Variants in CHEK1 observed in about 807,000 individuals in gnomAD.
CHEK1 encodes the protein checkpoint kinase 1.
Under a neutral mutation model 60.2 loss-of-function variants are expected in CHEK1, and 32 were observed. The observed-to-expected ratio is 0.53, with a 90% confidence interval of 0.40 to 0.71. The LOEUF (loss-of-function observed/expected upper bound fraction) is 0.71, where lower values mean the gene tolerates loss of function less well. Ranked by LOEUF, CHEK1 falls within the 30% of genes least tolerant of loss-of-function variation. The pLI is 0.00. For synonymous variants in CHEK1, 179 were observed against 187.2 expected, an observed-to-expected ratio of 0.96 and a Z score of 0.36; for missense variants, 399 against 564.6, an observed-to-expected ratio of 0.71 and a Z score of 2.97.
chr11:125,650,307 C>T (rs778637242), intron 11 of CHEK1, among the ~76,000 whole-genome samples: 3 of 151,928 alleles, frequency 2.0e-5, no homozygotes, highest in Non-Finnish European at 4.4e-5. Context: ...TTTATAAGGG[C>T]CATACTTTGT....
chr11:125,632,724 A>T (rs1262821815), intron 5 of CHEK1, among the ~76,000 whole-genome samples: 1 of 152,240 alleles, frequency 6.6e-6, no homozygotes, highest in East Asian at 1.9e-4. Context: ...GTGTCTTCAC[A>T]TATTTTCTTC....
rs759948920 is a variant in CHEK1, at chr11:125,644,121, G to A, written c.954G>A (p.Gln318=). 18 of 1,612,828 alleles carry A rather than the reference G, an allele frequency of 1.1e-5. No individual in the cohort carries two copies. Among genetic ancestry groups the A allele is most frequent in the Non-Finnish European group, 2.5e-6 (3 of 1,179,792 alleles). The stretch of plus-strand genomic sequence containing the variant: ...AAAATGTGAAGTACTCCAGTTCTCA[G>A]CCAGAACCCCGCACAGGTCTTTCCT... ...SEENVKYSSS[Q]PEPRTGLSLW... is the part of the protein sequence containing the mutation. Residue 318 remains glutamine (Q), a synonymous_variant, in exon 10 of 13, where the codon CAG becomes CAA. Transcript: ENST00000438015.
chr11:125,664,957 G>A (rs1415245387), intron 13 of CHEK1, among the ~76,000 whole-genome samples: 2 of 152,138 alleles, frequency 1.3e-5, no homozygotes, highest in East Asian at 3.8e-4. Flanking sequence ...TTGTGTGTGT[G>A]TATGGTGAAA....
chr11:125,652,087 G>A (rs1235130282), intron 11 of CHEK1, among the ~76,000 whole-genome samples: 2 of 152,216 alleles, frequency 1.3e-5, no homozygotes, highest in Non-Finnish European at 2.9e-5. Context: ...GTATGGTTGT[G>A]TGTTTTCATA....
At chr11:125,680,599 G>A, downstream of CHEK1, 1 of 802,336 alleles carries the variant, frequency 1.2e-6, no homozygotes, top group Non-Finnish European at 2.0e-6. Flanking sequence ...AGTTGGACTT[G>A]TTTAGCTGCT....
chr11:125,660,776 C>A (rs1041568689), downstream of CHEK1, among the ~76,000 whole-genome samples: 1 of 151,386 alleles, frequency 6.6e-6, no homozygotes, highest in Non-Finnish European at 1.5e-5. Flanking sequence ...AAAAAGTTTG[C>A]ATGGCATAAC....
downstream of CHEK1, chr11:125,677,817 G>A (rs1942586334): frequency 1.2e-6 from 2 of 1,614,150 alleles, no homozygotes; most frequent in Non-Finnish European, 1.7e-6. Flanking sequence ...GCTTGAAATT[G>A]GTGCACCTGA....
intron 13 of CHEK1, among the ~76,000 whole-genome samples, chr11:125,666,863 C>A (rs1169208961): frequency 6.6e-6 from 1 of 151,644 alleles, no homozygotes; most frequent in Non-Finnish European, 1.5e-5. Context: ...CCTTCACTTT[C>A]AGTTTATATG....
At chr11:125,668,833 A>G (rs2134094692) in intron 13 of CHEK1, among the ~76,000 whole-genome samples, 1 of 152,300 alleles carries the variant, frequency 6.6e-6, no homozygotes, top group African/African-American at 2.4e-5. Context: ...CTGAGATTAC[A>G]GGTATAAGCC....
chr11:125,636,323 T>G (rs571636250), intron 7 of CHEK1, among the ~76,000 whole-genome samples: 1 of 152,072 alleles, frequency 6.6e-6, no homozygotes, highest in African/African-American at 2.4e-5. Context: ...TGTGATAATA[T>G]TCTGCCATGT....
intron 13 of CHEK1, among the ~76,000 whole-genome samples, chr11:125,669,355 G>C (rs1229911415): frequency 1.3e-5 from 2 of 151,920 alleles, no homozygotes; most frequent in Admixed American, 1.3e-4. Context: ...ATCTCCTCTT[G>C]TTTTCTGCTC....
At chr11:125,636,086 T>C (rs1270619224) in intron 7 of CHEK1, 1 of 152,162 alleles carries the variant, frequency 6.6e-6, no homozygotes, top group African/African-American at 2.4e-5. Context: ...AAAAATACAG[T>C]ATTATAATCT....
chr11:125,629,092 G>C (rs1940751971), intron 3 of CHEK1, 140 bp from the exon 4 acceptor site: 7 of 724,454 alleles, frequency 9.7e-6, no homozygotes, highest in Middle Eastern at 3.0e-4. Flanking sequence ...ATATGTGTTA[G>C]TGGACTCCTG....
intron 13 of CHEK1, among the ~76,000 whole-genome samples, chr11:125,675,126 G>A (rs1942428704): frequency 6.6e-6 from 1 of 152,104 alleles, no homozygotes; most frequent in African/African-American, 2.4e-5. Context: ...AATTGCTTTG[G>A]TGCAACCTGA....
intron 8 of CHEK1, 111 bp from the exon 9 acceptor site, chr11:125,643,681 A>T: frequency 1.3e-6 from 1 of 753,920 alleles, no homozygotes; most frequent in Non-Finnish European, 2.1e-6. Context: ...ATTTTGTGTT[A>T]AATAAATAGA....
chr11:125,680,353 C>T (rs1004160494), downstream of CHEK1, among the ~76,000 whole-genome samples: 1 of 152,154 alleles, frequency 6.6e-6, no homozygotes, highest in Non-Finnish European at 1.5e-5. Context: ...TTACATCTTC[C>T]CATCTCCCAT....
At chr11:125,648,774 C>CAT (rs369529791) in intron 11 of CHEK1, among the ~76,000 whole-genome samples, 439 of 151,996 alleles carry the variant, frequency 2.9e-3, no homozygotes, top group African/African-American at 0.01. Flanking sequence ...AGTCTTTCAG[C>CAT]ATTAAGTATG....
At chr11:125,629,493 A>ATTTAGGT in intron 5 of CHEK1, 33 bp downstream of exon 5, 1 of 1,422,636 alleles carries the variant, frequency 7.0e-7, no homozygotes, top group Non-Finnish European at 9.7e-7. Context: ...ACCTAAAATA[A>ATTTAGGT]AATAAAATAA....
At chr11:125,666,528 G>T (rs1942103241) in intron 13 of CHEK1, among the ~76,000 whole-genome samples, 1 of 152,166 alleles carries the variant, frequency 6.6e-6, no homozygotes, top group Non-Finnish European at 1.5e-5. Context: ...TTGGTCTAAA[G>T]TATAGTTTAC....
Sources: gnomAD v4.1 joint callset for allele counts (sites outside exome capture counted in the v4.1 genomes callset) on GRCh38, gnomAD v4.1.1 for gene constraint, MANE v1.5 for transcripts, NCBI Gene and HGNC (gene_info 2026-07-23, HGNC 2026-07-21) for gene names.